Variants in SPOCK1 observed in about 807,000 individuals in gnomAD.
SPOCK1 encodes the protein testican-1.
In SPOCK1, 23 loss-of-function variants were observed where a neutral mutation model predicts 55.3. That is an observed-to-expected ratio of 0.42 (90% CI 0.30 to 0.59). The LOEUF (loss-of-function observed/expected upper bound fraction) is 0.59. Ranked by LOEUF, SPOCK1 falls within the 20% of genes least tolerant of loss-of-function variation. SPOCK1 has a pLI of 0.22. For synonymous variants in SPOCK1, 226 were observed against 221.0 expected (o/e 1.02, Z -0.20); for missense variants, 499 against 552.5 (o/e 0.90, Z 0.97).
At chr5:137,046,546 A>G (rs1242546430) in intron 6 of SPOCK1, among the ~76,000 whole-genome samples, 3 of 142,396 alleles carry the variant, frequency 2.1e-5, no homozygotes, top group East Asian at 2.1e-4. Context: ...GGGCTGAGAC[A>G]ATGGGGTTTT....
At chr5:137,164,118 T>C (rs1054664043) in intron 3 of SPOCK1, among the ~76,000 whole-genome samples, 3 of 152,242 alleles carry the variant, frequency 2.0e-5, no homozygotes, top group East Asian at 3.9e-4. Flanking sequence ...ATAAATTCTC[T>C]CCACTAGATT....
chr5:137,442,177 T>C (rs1753028552), intron 2 of SPOCK1, among the ~76,000 whole-genome samples: 1 of 152,218 alleles, frequency 6.6e-6, no homozygotes, highest in Non-Finnish European at 1.5e-5. Context: ...CTAAGGCCTC[T>C]ATATGGGTTG....
intron 2 of SPOCK1, among the ~76,000 whole-genome samples, chr5:137,426,847 G>A (rs954458131): frequency 2.6e-5 from 4 of 152,104 alleles, no homozygotes; most frequent in African/African-American, 9.7e-5. Context: ...TCTCTGCCAG[G>A]GGTCACAGAT....
At chr5:137,317,395 C>T (rs73294935) in intron 2 of SPOCK1, among the ~76,000 whole-genome samples, 52 of 152,222 alleles carry the variant, frequency 3.4e-4, no homozygotes, top group South Asian at 8.3e-4. Context: ...TCAGGGGATT[C>T]GTCCCTGACC....
At chr5:137,092,821 G>A (rs914750668) in intron 5 of SPOCK1, among the ~76,000 whole-genome samples, 6 of 152,156 alleles carry the variant, frequency 3.9e-5, no homozygotes, top group African/African-American at 1.2e-4. Context: ...GCTGAAACTG[G>A]GTAATTTATA....
intron 2 of SPOCK1, among the ~76,000 whole-genome samples, chr5:137,495,681 A>C (rs571972223): frequency 6.6e-6 from 1 of 152,378 alleles, no homozygotes; most frequent in East Asian, 1.9e-4. Flanking sequence ...GAGCAACTGC[A>C]AGATTAGCTG....
rs367712417 is a variant in SPOCK1 at position 137,009,726 on chromosome 5, G to T, written c.590-17126C>A. On this transcript the variant is annotated intron_variant, in intron 6 of 10. Coordinates refer to ENST00000394945, the MANE Select transcript of SPOCK1 (RefSeq NM_004598.4). Reference sequence around the variant, plus strand: ...AGGGAGAAAATAATTCCTAAATGCAGGATTTTTTAATCAACACAATCTGTG... The same window carrying T: ...AGGGAGAAAATAATTCCTAAATGCATGATTTTTTAATCAACACAATCTGTG... Among the ~76,000 whole-genome samples the T allele has an allele frequency of 1.7e-4, 26 of 152,238 alleles. No individual in the cohort carries two copies. The South Asian group carries it at 5.4e-3, about 32-fold the overall frequency.
chr5:137,245,798 A>C (rs1318468919), intron 3 of SPOCK1, among the ~76,000 whole-genome samples: 1 of 150,608 alleles, frequency 6.6e-6, no homozygotes, highest in East Asian at 1.9e-4. Flanking sequence ...AAAAAAAAAA[A>C]CTGTCTTGAG....
chr5:137,306,820 C>T (rs188632665), intron 2 of SPOCK1, among the ~76,000 whole-genome samples: 83 of 151,990 alleles, frequency 5.5e-4, no homozygotes, highest in African/African-American at 1.7e-3. Flanking sequence ...TACTCCTAAG[C>T]GTGTATATAT....
intron 2 of SPOCK1, among the ~76,000 whole-genome samples, chr5:137,274,412 C>T (rs1757023449): frequency 6.6e-6 from 1 of 152,196 alleles, no homozygotes; most frequent in Non-Finnish European, 1.5e-5. Flanking sequence ...ACAATCTACT[C>T]AGCTTCTCCG....
intron 3 of SPOCK1, among the ~76,000 whole-genome samples, chr5:137,236,656 T>C (rs1756187029): frequency 6.6e-6 from 1 of 152,170 alleles, no homozygotes; most frequent in South Asian, 2.1e-4. Flanking sequence ...ACTGGGGCTA[T>C]GGTCATATCT....
intron 9 of SPOCK1, among the ~76,000 whole-genome samples, chr5:136,982,673 A>G (rs1013626141): frequency 1.3e-5 from 2 of 152,040 alleles, no homozygotes; most frequent in Admixed American, 6.6e-5. Context: ...ACTTCCCCCA[A>G]TTGTCTGGAA....
intron 3 of SPOCK1, among the ~76,000 whole-genome samples, chr5:137,218,820 C>T (rs1286162957): frequency 6.6e-6 from 1 of 152,118 alleles, no homozygotes; most frequent in Non-Finnish European, 1.5e-5. Flanking sequence ...CTCATCAGAC[C>T]ACCATACCAG....
At chr5:137,302,530 T>C (rs1449347388) in intron 2 of SPOCK1, among the ~76,000 whole-genome samples, 10 of 151,600 alleles carry the variant, frequency 6.6e-5, no homozygotes, top group Non-Finnish European at 1.5e-4. Context: ...TGAGGGGAGA[T>C]TGTGCCATTG....
intron 2 of SPOCK1, among the ~76,000 whole-genome samples, chr5:137,396,605 A>G (rs1354904121): frequency 6.6e-6 from 1 of 152,240 alleles, no homozygotes; most frequent in Non-Finnish European, 1.5e-5. Flanking sequence ...CTATGAGCAC[A>G]CATCTAGGTT....
At chr5:137,168,547 C>A (rs1418921404) in intron 3 of SPOCK1, among the ~76,000 whole-genome samples, 1 of 152,000 alleles carries the variant, frequency 6.6e-6, no homozygotes, top group Non-Finnish European at 1.5e-5. Flanking sequence ...GGCAAAAGAT[C>A]TGAATAAACA....
Position 137,067,774 on chromosome 5 carries a change from T to C in SPOCK1, c.530A>G (p.Asp177Gly), listed in dbSNP as rs776442876. Residue 177 changes from aspartate (D) to glycine (G), a missense_variant, in exon 6 of 11, where the codon GAT (aspartate) becomes GGT (glycine). Coordinates refer to ENST00000394945, the MANE Select transcript of SPOCK1 (RefSeq NM_004598.4). ...STGKSLATLC[D>G]GPCPCLPEPE... ...CTCTGGGAGACAGGGACAGGGCCCA[T>C]CACAGAGGGTGGCGAGGCTTTTGCC... 1.2e-6 allele frequency: 2 copies of C among 1,614,092 alleles called. No homozygotes were observed. The highest frequency in any genetic ancestry group is 1.6e-4 in the Middle Eastern group (1 of 6,062).
At chr5:137,430,172 T>C (rs567196277) in intron 2 of SPOCK1, among the ~76,000 whole-genome samples, 2 of 152,374 alleles carry the variant, frequency 1.3e-5, no homozygotes, top group East Asian at 3.9e-4. Context: ...CAGAGCCACA[T>C]GGCAGGTGAT....
intron 3 of SPOCK1, among the ~76,000 whole-genome samples, chr5:137,239,818 C>G (rs1444593731): frequency 6.6e-6 from 1 of 151,980 alleles, no homozygotes; most frequent in Non-Finnish European, 1.5e-5. Flanking sequence ...ATAAGGGAAA[C>G]TAGGAAAAGC....
Sources: allele counts gnomAD v4.1 joint callset (sites outside exome capture counted in the v4.1 genomes callset), GRCh38; gene constraint gnomAD v4.1.1; transcripts MANE v1.5; gene names NCBI Gene and HGNC (gene_info 2026-07-23, HGNC 2026-07-21).